ROGDI: variants seen among roughly 807,000 people sequenced by gnomAD.
ROGDI encodes the protein rogdi atypical leucine zipper.
ROGDI carries 46 observed loss-of-function variants against 43.1 expected under a neutral mutation model. The observed-to-expected ratio is 1.07, with a 90% CI of 0.84 to 1.37. The LOEUF is 1.37. ROGDI is among the 40% of genes most tolerant of loss of function. ROGDI has a pLI of 0.00. For synonymous variants in ROGDI, 243 were observed against 162.0 expected (o/e 1.50, Z -3.80); for missense variants, 518 against 383.9 (o/e 1.35, Z -2.92).
At chr16:4,798,334 C>A in intron 7 of ROGDI, 150 bp from the exon 8 acceptor site, 1 of 775,156 alleles carries the variant, frequency 1.3e-6, no homozygotes, top group Non-Finnish European at 2.1e-6. Context: ...CAGACTTTTC[C>A]CAGGTGCCCC....
chr16:4,801,836 A>C, intron 2 of ROGDI: 1 of 589,660 alleles, frequency 1.7e-6, no homozygotes, highest in Non-Finnish European at 3.0e-6. Flanking sequence ...CAAAACAGAC[A>C]GGGGCAGCCT....
At chr16:4,800,371 G>C in intron 5 of ROGDI, 127 bp downstream of exon 5, 1 of 754,550 alleles carries the variant, frequency 1.3e-6, no homozygotes, top group East Asian at 2.7e-5. Flanking sequence ...TTGCTGTTAG[G>C]AAACACCCTC....
At position 4,801,255 on chromosome 16, in the gene ROGDI, CG is replaced by C; in HGVS notation, c.255+11del. Reference sequence around the variant, plus strand: ...TTGGCAGGATGGGAGGGGACAGGGCCGGGGGACTCACCGCCTGGCTGAGGGC... The same window carrying C: ...TTGGCAGGATGGGAGGGGACAGGGCCGGGGACTCACCGCCTGGCTGAGGGC... On this transcript the variant is annotated intron_variant, in intron 4 of 10. Coordinates refer to ENST00000322048, the MANE Select transcript of ROGDI (RefSeq NM_024589.3). 2 of 1,598,624 alleles carry C rather than the reference CG, an allele frequency of 1.3e-6. No individual in the cohort carries two copies. Among genetic ancestry groups the C allele is most frequent in the Non-Finnish European group, 1.7e-6 (2 of 1,170,412 alleles).
chr16:4,802,503 CGCCCGCTG>C lies in ROGDI; in HGVS notation c.45+16_45+23del. Reference sequence around the variant, plus strand: ...GCCCGGCCCCGCCGCCCCGCCGGCCCGCCCGCTGGCCCGCGCGCCTTACCAGCACCGCC... The same window carrying C: ...GCCCGGCCCCGCCGCCCCGCCGGCCCGCCCGCGCGCCTTACCAGCACCGCC... On this transcript the variant is annotated intron_variant, in intron 1 of 10. Transcript: ENST00000322048. 1 of 1,210,014 alleles carries C rather than the reference CGCCCGCTG, an allele frequency of 8.3e-7. No individual in the cohort carries two copies. Among genetic ancestry groups the C allele is most frequent in the Non-Finnish European group, 1.0e-6 (1 of 976,832 alleles). 75.0% of individuals were successfully genotyped at this position (1,210,014 alleles called of 1,614,324 possible).
At position 4,797,702 on chromosome 16, in the gene ROGDI, G is replaced by A. The variant is rs761393165; in HGVS notation, c.822+12C>T. On this transcript the variant is annotated intron_variant, in intron 10 of 10. Coordinates refer to ENST00000322048, the MANE Select transcript of ROGDI (RefSeq NM_024589.3). ...GTCCTTCCCCTAATGAAGGCGCTCG[G>A]CCCGGGCCCACCTTGTCCTTGAGCT... 6.2e-7 allele frequency: 1 copy of A among 1,614,028 alleles called. No individual in the cohort carries two copies. The highest frequency in any genetic ancestry group is 8.5e-7 in the Non-Finnish European group (1 of 1,179,952).
rs774067328 is a variant in ROGDI, at chr16:4,798,587, G to A, written c.513C>T (p.Ile171=). 1.4e-5 allele frequency: 22 copies of A among 1,565,766 alleles called. No individual in the cohort carries two copies. The highest frequency in any genetic ancestry group is 4.6e-5 in the East Asian group (2 of 43,718). The change falls in exon 7 of 11, where the codon ATC becomes ATT. Residue 171 remains isoleucine (I), a synonymous_variant. Coordinates refer to ENST00000322048, the MANE Select transcript of ROGDI (RefSeq NM_024589.3). The stretch of plus-strand genomic sequence containing the variant: ...CACTGACCGTGAGGCCGCTGGCGGC[G>A]ATCTCGGGGAGGGTGAGGGTGGCGG... ...TTPATLTLPE[I]AASGLTRMFA...
At position 4,801,572 on chromosome 16, in the gene ROGDI, C is replaced by G; in HGVS notation, c.131G>C (p.Arg44Pro). 6.2e-7 allele frequency: 1 copy of G among 1,601,130 alleles called. No individual in the cohort carries two copies. The highest frequency in any genetic ancestry group is 8.5e-7 in the Non-Finnish European group (1 of 1,174,058). ...AGTGCCGGAGCCCGGCAGAGTGAAG[C>G]GCAGAGAGGCCTCCTGTGGAACAGA... is the stretch of plus-strand genomic sequence containing the variant. ...LQDILKEASLRFTLPGSGTEG... is the reference protein window; with the variant it reads ...LQDILKEASLPFTLPGSGTEG... Residue 44 changes from arginine (R) to proline (P), a missense_variant, in exon 3 of 11, where the codon CGC becomes CCC. Transcript: ENST00000322048.
intron 2 of ROGDI, 122 bp downstream of exon 2, chr16:4,802,260 C>A: frequency 1.1e-6 from 1 of 936,182 alleles, no homozygotes; most frequent in Non-Finnish European, 1.6e-6. Context: ...GGGGCCCTGC[C>A]TGAAAGCCGC....
intron 6 of ROGDI, 55 bp downstream of exon 6, chr16:4,799,631 T>A: frequency 7.3e-7 from 1 of 1,379,128 alleles, no homozygotes; most frequent in East Asian, 2.4e-5. Context: ...CCAGGTGTGA[T>A]TCCGGATCAA....
rs2082661454 is a variant in ROGDI at position 4,797,252 on chromosome 16, C to T, written c.*208G>A. On this transcript the variant is annotated 3_prime_UTR_variant, in exon 11 of 11. Coordinates refer to ENST00000322048, the MANE Select transcript of ROGDI (RefSeq NM_024589.3). Reference sequence around the variant, plus strand: ...GTGGGACACCCTTGGCCCCGCCTCCCTGACCTCCCCACTACCCCACCAAAC... The same window carrying T: ...GTGGGACACCCTTGGCCCCGCCTCCTTGACCTCCCCACTACCCCACCAAAC... The T allele has an allele frequency of 5.3e-6, 3 of 562,736 alleles. No homozygotes were observed. The highest frequency in any genetic ancestry group is 9.5e-6 in the Non-Finnish European group (3 of 316,746). The allele number at this position is 562,736 out of a possible 1,614,324, so 34.9% of individuals were successfully genotyped here. A position where few individuals can be genotyped will look rare whatever the true frequency, so the allele number is the denominator to read the frequency against.
intron 6 of ROGDI, chr16:4,798,890 T>C (rs1473449534): frequency 3.6e-6 from 2 of 552,554 alleles, no homozygotes; most frequent in Non-Finnish European, 3.2e-6. Flanking sequence ...GCTGATTCAC[T>C]GCACGGGGAT....
At position 4,801,304 on chromosome 16, in the gene ROGDI, C is replaced by G. The variant is rs201865380; in HGVS notation, c.218G>C (p.Gly73Ala). The change falls in exon 4 of 11, where the codon GGT (glycine) becomes GCT (alanine). Residue 73 changes from glycine (G) to alanine (A), a missense_variant. Physicochemically the swap from Gly to Ala is moderately conservative, Grantham distance 60. Transcript: ENST00000322048. ...GGCATCCCCCTGCAGAGTCAGCACA[C>G]CCTTCACCTGGTCTGTGCTGTAACA... ...LGSCGTDQVKGVLTLQGDALS... is the reference protein window; with the variant it reads ...LGSCGTDQVKAVLTLQGDALS... 26 of 1,609,398 alleles carry G rather than the reference C, an allele frequency of 1.6e-5. No homozygotes were observed. In the African/African-American group the frequency reaches 3.2e-4, roughly 20 times the overall value.
intron 4 of ROGDI, 174 bp from the exon 5 acceptor site, chr16:4,800,752 C>A (rs1181893826): frequency 3.4e-6 from 2 of 585,478 alleles, no homozygotes; most frequent in Non-Finnish European, 6.1e-6. Context: ...ACAGGGAGGT[C>A]AGGAAACAGG....
chr16:4,798,783 G>T, intron 6 of ROGDI, 116 bp from the exon 7 acceptor site: 2 of 845,810 alleles, frequency 2.4e-6, no homozygotes, highest in South Asian at 3.1e-5. Context: ...CCCAGGTCCC[G>T]AAACCCGGCA....
chr16:4,801,802 C>G lies in ROGDI; in HGVS notation c.118-217G>C. 5.0e-6 allele frequency: 3 copies of G among 600,608 alleles called. No individual in the cohort carries two copies. The South Asian group carries it at 5.8e-5, about 12-fold the overall frequency. The allele number at this position is 600,608 out of a possible 1,614,324, so 37.2% of individuals were successfully genotyped here. ...CTTATACCACATTCCCTGAACACCT[C>G]CTGTGTGCCCGCCTCGGGGAATACA... On this transcript the variant is annotated intron_variant, in intron 2 of 10. Transcript: ENST00000322048.
chr16:4,800,491 G>A lies in ROGDI; in HGVS notation c.336+7C>T, dbSNP rs1303226513. 4 of 1,552,698 alleles carry A rather than the reference G, an allele frequency of 2.6e-6. No individual in the cohort carries two copies. Among genetic ancestry groups the A allele is most frequent in the African/African-American group, 1.4e-5 (1 of 73,312 alleles). ...GGCTGAGCACTAGCCAGGAGGGGCG[G>A]GGTCACCTGCTGCAGCTTCCACTGC... On this transcript the variant is annotated splice_region_variant and intron_variant, in intron 5 of 10. Coordinates refer to ENST00000322048, the MANE Select transcript of ROGDI (RefSeq NM_024589.3).
intron 2 of ROGDI, 90 bp downstream of exon 2, chr16:4,802,292 C>T (rs1010491803): frequency 5.6e-6 from 7 of 1,243,920 alleles, no homozygotes; most frequent in Admixed American, 2.2e-5. Flanking sequence ...ACTGTAGGCG[C>T]TCAGGACGCA....
intron 7 of ROGDI, 145 bp from the exon 8 acceptor site, chr16:4,798,329 T>C: frequency 1.3e-6 from 1 of 779,982 alleles, no homozygotes; most frequent in East Asian, 2.7e-5. Flanking sequence ...GCTTCCAGAC[T>C]TTTCCCAGGT....
rs768472774 is a variant in ROGDI, at chr16:4,797,930, C to A, written c.695+8G>T. 6.3e-7 allele frequency: 1 copy of A among 1,598,918 alleles called. No individual in the cohort carries two copies. The highest frequency in any genetic ancestry group is 1.3e-5 in the African/African-American group (1 of 74,662). The stretch of plus-strand genomic sequence containing the variant: ...GCGTGCCTGGACCCCCCGCCCCTGC[C>A]TACTTACAACATGGCCCCAGGGCTA... On this transcript the variant is annotated splice_region_variant and intron_variant, in intron 9 of 10. Coordinates refer to ENST00000322048, the MANE Select transcript of ROGDI (RefSeq NM_024589.3).
Sources: gnomAD v4.1 joint callset for allele counts on GRCh38, gnomAD v4.1.1 for gene constraint, MANE v1.5 for transcripts, NCBI Gene and HGNC (gene_info 2026-07-23, HGNC 2026-07-21) for gene names.